The following USP46 variants were observed in gnomAD, a reference collection of about 807,000 sequenced individuals.
USP46 encodes ubiquitin carboxyl-terminal hydrolase 46.
USP46 carries 12 observed loss-of-function variants against 44.4 expected under a neutral mutation model. That is an observed-to-expected ratio of 0.27 (90% CI 0.17 to 0.44). USP46 has a LOEUF of 0.44. USP46 is among the 20% of genes least tolerant of loss of function. USP46 has a pLI of 1.00. For missense variants in USP46, 248 were observed against 444.8 expected, an observed-to-expected ratio of 0.56 and a Z score of 3.98; for synonymous variants, 155 against 161.5, an observed-to-expected ratio of 0.96 and a Z score of 0.31.
chr4:52,636,996 G>A (rs995567902), intron 1 of USP46, among the ~76,000 whole-genome samples: 1 of 151,596 alleles, frequency 6.6e-6, no homozygotes, highest in East Asian at 2.0e-4. Context: ...TTTTTTGTAG[G>A]GACAGGGTTT....
At chr4:52,646,902 G>A (rs1336610738) in intron 1 of USP46, among the ~76,000 whole-genome samples, 1 of 152,226 alleles carries the variant, frequency 6.6e-6, no homozygotes, top group African/African-American at 2.4e-5. Flanking sequence ...CAAGGCTGCA[G>A]GCAGCCAGAG....
At chr4:52,624,015 G>T (rs954769422) in intron 4 of USP46, among the ~76,000 whole-genome samples, 1 of 152,144 alleles carries the variant, frequency 6.6e-6, no homozygotes, top group Non-Finnish European at 1.5e-5. Context: ...TACACCACAA[G>T]AATGTTTCCA....
intron 4 of USP46, among the ~76,000 whole-genome samples, chr4:52,620,480 TG>T (rs1395859370): frequency 1.3e-5 from 2 of 152,196 alleles, no homozygotes; most frequent in East Asian, 1.9e-4. Context: ...GTCTCCATGC[TG>T]GAAGTTCTAG....
intron 4 of USP46, among the ~76,000 whole-genome samples, chr4:52,611,983 T>C (rs1716951259): frequency 6.6e-6 from 1 of 152,202 alleles, no homozygotes; most frequent in Non-Finnish European, 1.5e-5. Flanking sequence ...ATAAAGTCGA[T>C]GGCTTCAGGC....
chr4:52,633,642 C>A (rs1717998725), intron 1 of USP46, among the ~76,000 whole-genome samples: 1 of 152,106 alleles, frequency 6.6e-6, no homozygotes, highest in African/African-American at 2.4e-5. Context: ...AAGTATAGCA[C>A]ATGGAGAGAG....
intron 4 of USP46, among the ~76,000 whole-genome samples, chr4:52,616,241 C>T (rs933778403): frequency 6.6e-6 from 1 of 152,226 alleles, no homozygotes; most frequent in South Asian, 2.1e-4. Flanking sequence ...TGCTGCTTAA[C>T]ATCCTATAAT....
At chr4:52,620,093 C>T (rs2109620670) in intron 4 of USP46, among the ~76,000 whole-genome samples, 1 of 152,286 alleles carries the variant, frequency 6.6e-6, no homozygotes, top group South Asian at 2.1e-4. Context: ...TGGGCACAGG[C>T]TTCCCACTCA....
chr4:52,656,506 G>A (rs1718957687), intron 1 of USP46: 1 of 1,436,850 alleles, frequency 7.0e-7, no homozygotes, highest in Non-Finnish European at 9.1e-7. Context: ...ATACATGGGA[G>A]GTGTTTATAT....
intron 1 of USP46, among the ~76,000 whole-genome samples, chr4:52,653,674 G>C (rs1232261876): frequency 1.3e-5 from 2 of 152,004 alleles, no homozygotes; most frequent in Non-Finnish European, 2.9e-5. Flanking sequence ...TAGACTAAAA[G>C]ACACCATCTT....
At chr4:52,622,642 TATAG>T (rs1717421323) in intron 4 of USP46, among the ~76,000 whole-genome samples, 3 of 152,174 alleles carry the variant, frequency 2.0e-5, no homozygotes, top group Admixed American at 6.5e-5. Context: ...ACGAAATACA[TATAG>T]ATAAATATAT....
chr4:52,614,756 T>C (rs909899881), intron 4 of USP46, among the ~76,000 whole-genome samples: 6 of 152,232 alleles, frequency 3.9e-5, no homozygotes, highest in African/African-American at 1.2e-4. Context: ...CTCTTAATTT[T>C]TGTATAATAT....
chr4:52,651,016 C>G (rs1029511595), intron 1 of USP46: 1 of 150,642 alleles, frequency 6.6e-6, no homozygotes. Flanking sequence ...ATCGCTTGAA[C>G]CTGGAAGCAG....
chr4:52,615,774 T>C (rs1465497551), intron 4 of USP46, among the ~76,000 whole-genome samples: 1 of 152,164 alleles, frequency 6.6e-6, no homozygotes, highest in Non-Finnish European at 1.5e-5. Context: ...GATGAAAATT[T>C]TCTAAAACTA....
At chr4:52,622,596 A>C (rs1316438400) in intron 4 of USP46, among the ~76,000 whole-genome samples, 1 of 152,216 alleles carries the variant, frequency 6.6e-6, no homozygotes, top group Non-Finnish European at 1.5e-5. Flanking sequence ...TGTCCTCATC[A>C]ATCTTACAGT....
At chr4:52,620,110 C>T (rs1717324644) in intron 4 of USP46, among the ~76,000 whole-genome samples, 1 of 152,174 alleles carries the variant, frequency 6.6e-6, no homozygotes, top group Admixed American at 6.5e-5. Context: ...CTCAAGATAA[C>T]CCTCCAGGAA....
chr4:52,616,484 T>A (rs2109616185), intron 4 of USP46, among the ~76,000 whole-genome samples: 1 of 152,338 alleles, frequency 6.6e-6, no homozygotes, highest in Non-Finnish European at 1.5e-5. Flanking sequence ...GTGATTCTTG[T>A]GCCTCAGCCT....
intron 4 of USP46, among the ~76,000 whole-genome samples, chr4:52,611,441 A>G (rs912315797): frequency 1.3e-5 from 2 of 152,268 alleles, no homozygotes; most frequent in Admixed American, 1.3e-4. Flanking sequence ...TAGCAGGAAC[A>G]GCTGGCAACA....
intron 4 of USP46, among the ~76,000 whole-genome samples, chr4:52,611,567 T>C (rs1046352461): frequency 6.6e-6 from 1 of 152,138 alleles, no homozygotes; most frequent in African/African-American, 2.4e-5. Context: ...TTCAGAGATG[T>C]GAATACACTC....
intron 4 of USP46, among the ~76,000 whole-genome samples, chr4:52,615,549 AAAAGGG>A (rs1717101056): frequency 6.6e-6 from 1 of 152,212 alleles, no homozygotes; most frequent in Non-Finnish European, 1.5e-5. Flanking sequence ...TTTCACCAAC[AAAAGGG>A]AATAAACTCC....
Sources: gnomAD v4.1 joint callset for allele counts (sites outside exome capture counted in the v4.1 genomes callset) on GRCh38, gnomAD v4.1.1 for gene constraint, MANE v1.5 for transcripts, NCBI Gene and HGNC (gene_info 2026-07-23, HGNC 2026-07-21) for gene names.